Variants in PIK3C3 observed in about 807,000 individuals in gnomAD.
PIK3C3 encodes the protein PI3-kinase type 3.
Under a neutral mutation model 126.1 loss-of-function variants are expected in PIK3C3, and 95 were observed. That is an observed-to-expected ratio of 0.75 (90% CI 0.64 to 0.89). The LOEUF (loss-of-function observed/expected upper bound fraction) is 0.89. PIK3C3 is among the 40% of genes least tolerant of loss of function. The pLI is 0.00. For synonymous variants in PIK3C3, 374 were observed against 360.0 expected, an observed-to-expected ratio of 1.04 and a Z score of -0.44; for missense variants, 829 against 1,063.2, an observed-to-expected ratio of 0.78 and a Z score of 3.06.
intron 20 of PIK3C3, among the ~76,000 whole-genome samples, chr18:42,047,146 T>C (rs1213561063): frequency 2.0e-5 from 3 of 152,236 alleles, no homozygotes; most frequent in Middle Eastern, 3.4e-3. Context: ...ATAGCTAAAC[T>C]TGAAACAAAG....
At chr18:41,983,033 G>A (rs1030471310) in intron 4 of PIK3C3, among the ~76,000 whole-genome samples, 1 of 152,080 alleles carries the variant, frequency 6.6e-6, no homozygotes, top group Non-Finnish European at 1.5e-5. Context: ...GAAAAGTGAG[G>A]ATTATATTTT....
At chr18:42,000,282 C>T (rs899862227) in intron 9 of PIK3C3, among the ~76,000 whole-genome samples, 1 of 152,174 alleles carries the variant, frequency 6.6e-6, no homozygotes, top group East Asian at 1.9e-4. Context: ...GAACTACTGG[C>T]CTCAGGTGAT....
At chr18:42,015,434 G>C in intron 11 of PIK3C3, 42 bp from the exon 12 acceptor site, 1 of 1,462,356 alleles carries the variant, frequency 6.8e-7, no homozygotes, top group Non-Finnish European at 9.6e-7. Context: ...CTTATGGACA[G>C]AGTATTTTAC....
At chr18:41,977,149 A>G (rs1386866858) in intron 4 of PIK3C3, among the ~76,000 whole-genome samples, 1 of 152,224 alleles carries the variant, frequency 6.6e-6, no homozygotes, top group Non-Finnish European at 1.5e-5. Flanking sequence ...TGACCTGCCT[A>G]TGGTAAGCAC....
At chr18:42,043,867 G>A (rs925661160) in intron 20 of PIK3C3, 50 bp downstream of exon 20, 2 of 1,210,810 alleles carry the variant, frequency 1.7e-6, no homozygotes, top group Middle Eastern at 1.9e-4. Flanking sequence ...AGAAGAGCAG[G>A]CCATCCTGAT....
At chr18:42,014,664 A>T (rs1982988671) in intron 11 of PIK3C3, among the ~76,000 whole-genome samples, 1 of 152,192 alleles carries the variant, frequency 6.6e-6, no homozygotes, top group Non-Finnish European at 1.5e-5. Flanking sequence ...TTTTGTGAAG[A>T]TCATTAGGTT....
intron 24 of PIK3C3, among the ~76,000 whole-genome samples, chr18:42,074,221 G>A (rs1985889273): frequency 6.6e-6 from 1 of 152,100 alleles, no homozygotes; most frequent in Non-Finnish European, 1.5e-5. Context: ...AACTTTGTTT[G>A]AAATTTGATC....
chr18:42,024,963 C>G (rs1255065583), intron 13 of PIK3C3, among the ~76,000 whole-genome samples: 1 of 151,952 alleles, frequency 6.6e-6, no homozygotes, highest in Non-Finnish European at 1.5e-5. Flanking sequence ...GCCACTGTGC[C>G]CGGCTAATTT....
intron 9 of PIK3C3, among the ~76,000 whole-genome samples, chr18:42,000,783 G>A (rs750978255): frequency 1.3e-5 from 2 of 152,112 alleles, no homozygotes; most frequent in Non-Finnish European, 2.9e-5. Flanking sequence ...CCCTTATATA[G>A]CCATCAGATC....
intron 22 of PIK3C3, chr18:42,059,835 A>G (rs1024250821): frequency 1.3e-5 from 2 of 149,264 alleles, no homozygotes; most frequent in Non-Finnish European, 3.0e-5. Context: ...TGGCATGACC[A>G]TGGTTCACTG....
At chr18:41,985,281 G>A (rs573328996) in intron 4 of PIK3C3, among the ~76,000 whole-genome samples, 8 of 152,312 alleles carry the variant, frequency 5.3e-5, no homozygotes, top group African/African-American at 1.9e-4. Flanking sequence ...AGGCCACTAA[G>A]TTTTAGGGTG....
At chr18:42,065,530 A>G (rs1985499853) in intron 23 of PIK3C3, among the ~76,000 whole-genome samples, 1 of 152,222 alleles carries the variant, frequency 6.6e-6, no homozygotes, top group Non-Finnish European at 1.5e-5. Flanking sequence ...CTTAAAGATA[A>G]ATCAATAGAA....
chr18:42,013,471 C>G lies in PIK3C3; in HGVS notation c.1200C>G (p.Val400=), dbSNP rs775213190. Residue 400 remains valine (V), a synonymous_variant, in exon 11 of 25, where the codon GTC becomes GTG. Coordinates refer to ENST00000262039, the MANE Select transcript of PIK3C3 (RefSeq NM_002647.4). ...EDLLMYLLQL[V]QALKYENFDD... is the part of the protein sequence containing the mutation. The stretch of plus-strand genomic sequence containing the variant: ...TGTTGATGTACCTATTACAATTGGT[C>G]CAGGCTCTCAAATATGAAAATTTTG... 1.3e-6 allele frequency: 2 copies of G among 1,584,688 alleles called. No individual in the cohort carries two copies. The highest frequency in any genetic ancestry group is 2.7e-5 in the African/African-American group (2 of 73,042).
At chr18:42,024,949 A>G (rs1335086675) in intron 13 of PIK3C3, among the ~76,000 whole-genome samples, 2 of 150,704 alleles carry the variant, frequency 1.3e-5, no homozygotes, top group South Asian at 2.1e-4. Context: ...GACTACAGGC[A>G]CCCGCCACTG....
intron 10 of PIK3C3, among the ~76,000 whole-genome samples, chr18:42,009,650 ATTAT>A (rs2144394844): frequency 6.8e-6 from 1 of 147,610 alleles, no homozygotes; most frequent in African/African-American, 2.6e-5. Flanking sequence ...TAATGCTTAC[ATTAT>A]GTAATGTACA....
intron 7 of PIK3C3, among the ~76,000 whole-genome samples, chr18:41,993,542 G>C (rs1241682730): frequency 6.6e-6 from 1 of 152,064 alleles, no homozygotes; most frequent in Admixed American, 6.6e-5. Flanking sequence ...ACTAAGGTAA[G>C]GGTAGAGTAG....
chr18:41,955,282 A>G lies in PIK3C3; in HGVS notation c.-10A>G, dbSNP rs1261175027. On this transcript the variant is annotated 5_prime_UTR_variant, in exon 1 of 25. Coordinates refer to ENST00000262039, the MANE Select transcript of PIK3C3 (RefSeq NM_002647.4). ...TTCCCGCTGTAGGTGGTACCTTTGC[A>G]GACGGTGCGATGGGGGAAGCAGAGA... 1.1e-5 allele frequency: 17 copies of G among 1,611,854 alleles called. No homozygotes were observed. The highest frequency in any genetic ancestry group is 1.4e-5 in the Non-Finnish European group (17 of 1,178,646).
At chr18:41,960,327 G>A (rs1231922014) in intron 2 of PIK3C3, among the ~76,000 whole-genome samples, 3 of 152,192 alleles carry the variant, frequency 2.0e-5, no homozygotes, top group South Asian at 4.1e-4. Context: ...ATTCTTTAGG[G>A]AAGTAGTTTA....
intron 13 of PIK3C3, among the ~76,000 whole-genome samples, chr18:42,021,898 C>T (rs1045910806): frequency 2.0e-5 from 3 of 152,146 alleles, no homozygotes; most frequent in Non-Finnish European, 2.9e-5. Context: ...CAAAACATTT[C>T]TGGTTCTAAG....
Sources: allele counts gnomAD v4.1 joint callset (sites outside exome capture counted in the v4.1 genomes callset), GRCh38; gene constraint gnomAD v4.1.1; transcripts MANE v1.5; gene names NCBI Gene and HGNC (gene_info 2026-07-23, HGNC 2026-07-21).